Variants in ADGRB3 observed in about 807,000 individuals in gnomAD.
ADGRB3 encodes brain-specific angiogenesis inhibitor 3.
In ADGRB3, 37 loss-of-function variants were observed where a neutral mutation model predicts 193.4. That is an observed-to-expected ratio of 0.19 (90% CI 0.15 to 0.25). The LOEUF is 0.25. Ranked by LOEUF, ADGRB3 falls within the 10% of genes least tolerant of loss-of-function variation. The pLI is 1.00. For synonymous variants in ADGRB3, 690 were observed against 644.2 expected (o/e 1.07, Z -1.08); for missense variants, 1,637 against 1,852.9 (o/e 0.88, Z 2.14).
At chr6:68,652,931 C>T (rs1050889868) in intron 3 of ADGRB3, among the ~76,000 whole-genome samples, 1 of 152,094 alleles carries the variant, frequency 6.6e-6, no homozygotes, top group African/African-American at 2.4e-5. Context: ...ATTGAGATGT[C>T]ATGAATGTTT....
intron 3 of ADGRB3, among the ~76,000 whole-genome samples, chr6:68,830,476 A>G (rs1047423248): frequency 6.6e-6 from 1 of 152,198 alleles, no homozygotes; most frequent in Non-Finnish European, 1.5e-5. Flanking sequence ...GACGTTTGGC[A>G]ATAATGTTTT....
chr6:69,139,620 C>A (rs1423292417), intron 17 of ADGRB3, among the ~76,000 whole-genome samples: 1 of 152,126 alleles, frequency 6.6e-6, no homozygotes, highest in African/African-American at 2.4e-5. Flanking sequence ...TGGCATTCAC[C>A]TCTCCAAGTA....
intron 17 of ADGRB3, among the ~76,000 whole-genome samples, chr6:69,179,354 T>G (rs1775519637): frequency 6.6e-6 from 1 of 152,186 alleles, no homozygotes; most frequent in Admixed American, 6.5e-5. Context: ...TGATTTCTTT[T>G]TAAGGTGTGT....
intron 24 of ADGRB3, 32 bp downstream of exon 24, chr6:69,333,040 T>C (rs766428911): frequency 5.6e-6 from 9 of 1,600,912 alleles, no homozygotes; most frequent in Non-Finnish European, 7.7e-6. Context: ...TTGAAGGTTA[T>C]TTATCAGTGA....
intron 16 of ADGRB3, among the ~76,000 whole-genome samples, chr6:69,070,819 G>A (rs1307061160): frequency 6.6e-6 from 1 of 152,146 alleles, no homozygotes; most frequent in African/African-American, 2.4e-5. Context: ...CATATGCATT[G>A]AATGTATTGA....
chr6:68,847,858 A>G (rs1463625987), intron 3 of ADGRB3, among the ~76,000 whole-genome samples: 1 of 152,182 alleles, frequency 6.6e-6, no homozygotes, highest in African/African-American at 2.4e-5. Flanking sequence ...TTCAGAAGGA[A>G]GTAGTAGAAG....
chr6:69,360,059 G>C (rs766777062), intron 28 of ADGRB3, among the ~76,000 whole-genome samples: 1 of 151,608 alleles, frequency 6.6e-6, no homozygotes, highest in Non-Finnish European at 1.5e-5. Context: ...GTTTGGTTTG[G>C]TTTGCATTTT....
intron 3 of ADGRB3, among the ~76,000 whole-genome samples, chr6:68,908,657 C>T (rs377435935): frequency 7.8e-4 from 119 of 152,260 alleles, no homozygotes; most frequent in African/African-American, 2.4e-3. Flanking sequence ...GTTAAACTCT[C>T]AAAGTGAATT....
intron 8 of ADGRB3, among the ~76,000 whole-genome samples, chr6:68,966,848 T>TAAGTGG (rs1192609330): frequency 2.0e-5 from 3 of 152,198 alleles, no homozygotes; most frequent in African/African-American, 7.2e-5. Flanking sequence ...ATGAATTCTA[T>TAAGTGG]AAGTGGCACT....
intron 3 of ADGRB3, among the ~76,000 whole-genome samples, chr6:68,769,459 G>T (rs747814280): frequency 6.6e-6 from 1 of 152,154 alleles, no homozygotes; most frequent in African/African-American, 2.4e-5. Context: ...AACACCGCTT[G>T]TTCTCACTCA....
At chr6:69,020,927 G>T (rs1269731336) in intron 13 of ADGRB3, among the ~76,000 whole-genome samples, 2 of 151,860 alleles carry the variant, frequency 1.3e-5, no homozygotes, top group Non-Finnish European at 2.9e-5. Flanking sequence ...TATCCAATTT[G>T]ATACTATATA....
intron 10 of ADGRB3, among the ~76,000 whole-genome samples, chr6:68,992,020 G>A (rs1769253391): frequency 6.6e-6 from 1 of 152,060 alleles, no homozygotes; most frequent in Non-Finnish European, 1.5e-5. Flanking sequence ...ACAAAATTTT[G>A]CTATGCTGTT....
At chr6:69,082,409 A>G (rs1406241186) in intron 17 of ADGRB3, among the ~76,000 whole-genome samples, 2 of 152,058 alleles carry the variant, frequency 1.3e-5, no homozygotes, top group Non-Finnish European at 2.9e-5. Flanking sequence ...TCTCATTCTC[A>G]TCTGTAATAC....
At chr6:69,038,740 T>C (rs897943768) in intron 13 of ADGRB3, among the ~76,000 whole-genome samples, 1 of 152,184 alleles carries the variant, frequency 6.6e-6, no homozygotes, top group Non-Finnish European at 1.5e-5. Context: ...AAGCATTCAA[T>C]AGATAACAAA....
intron 3 of ADGRB3, among the ~76,000 whole-genome samples, chr6:68,746,034 G>A (rs897611555): frequency 6.6e-6 from 1 of 152,022 alleles, no homozygotes; most frequent in Non-Finnish European, 1.5e-5. Flanking sequence ...TCTCATGGAT[G>A]TATTTCTATG....
intron 17 of ADGRB3, among the ~76,000 whole-genome samples, chr6:69,158,985 C>G (rs3799047): frequency 0.5 from 75,214 of 151,852 alleles, 20,387 homozygotes; most frequent in East Asian, 0.86. Flanking sequence ...CCAACGCCCC[C>G]ACCCCACCAC....
intron 25 of ADGRB3, 63 bp downstream of exon 25, chr6:69,339,077 T>A: frequency 6.5e-7 from 1 of 1,548,780 alleles, no homozygotes; most frequent in Non-Finnish European, 8.9e-7. Flanking sequence ...GAGAAAATGC[T>A]ATGATGAAAA....
chr6:69,077,884 T>C lies in ADGRB3; in HGVS notation c.2480+1846T>C, dbSNP rs147020370. Among the ~76,000 whole-genome samples the C allele has an allele frequency of 2.4e-3, 370 of 152,112 alleles. 2 individuals are homozygous for C. Among genetic ancestry groups the C allele is most frequent in the African/African-American group, 8.4e-3 (350 of 41,566 alleles). Reference sequence around the variant, plus strand: ...AAAGTGATCAAAAACCTTCCCATTGTGACAGAACTTCTTTCCCATCACAGT... The same window carrying C: ...AAAGTGATCAAAAACCTTCCCATTGCGACAGAACTTCTTTCCCATCACAGT... On this transcript the variant is annotated intron_variant, in intron 17 of 31. Coordinates refer to ENST00000370598, the MANE Select transcript of ADGRB3 (RefSeq NM_001704.3).
At chr6:69,015,357 T>G (rs534540916) in intron 12 of ADGRB3, among the ~76,000 whole-genome samples, 3 of 152,182 alleles carry the variant, frequency 2.0e-5, no homozygotes, top group Non-Finnish European at 2.9e-5. Flanking sequence ...AATCCATCTA[T>G]TTCCTTGAGA....
Sources: allele counts gnomAD v4.1 joint callset (sites outside exome capture counted in the v4.1 genomes callset), GRCh38; gene constraint gnomAD v4.1.1; transcripts MANE v1.5; gene names NCBI Gene and HGNC (gene_info 2026-07-23, HGNC 2026-07-21).